Variants in ADAMTSL3 observed in about 807,000 individuals in gnomAD.
ADAMTSL3 encodes the protein ADAMTS-like protein 3.
ADAMTSL3 carries 128 observed loss-of-function variants against 201.7 expected under a neutral mutation model. The observed-to-expected ratio is 0.63, with a 90% CI of 0.55 to 0.73. The LOEUF (loss-of-function observed/expected upper bound fraction) is 0.73, where lower values mean the gene tolerates loss of function less well. Among genes scored for constraint, ADAMTSL3 ranks in the 30% least tolerant of loss-of-function variants. The pLI, the probability that ADAMTSL3 is intolerant of heterozygous loss-of-function variation, is 0.00. For missense variants in ADAMTSL3, 1,990 were observed against 2,119.6 expected (o/e 0.94, Z 1.20); for synonymous variants, 738 against 748.4 (o/e 0.99, Z 0.23).
intron 6 of ADAMTSL3, among the ~76,000 whole-genome samples, chr15:83,822,865 G>A (rs1362083455): frequency 1.3e-5 from 2 of 152,084 alleles, no homozygotes; most frequent in African/African-American, 4.8e-5. Flanking sequence ...GGAGGTTGTA[G>A]CGAGCCGAGA....
At chr15:83,826,731 G>A (rs557092006) in intron 6 of ADAMTSL3, among the ~76,000 whole-genome samples, 23 of 143,180 alleles carry the variant, frequency 1.6e-4, no homozygotes, top group African/African-American at 5.1e-4. Context: ...TCATTGTTCA[G>A]TTCCCACCTA....
chr15:83,663,583 A>G (rs958970242), intron 2 of ADAMTSL3, among the ~76,000 whole-genome samples: 5 of 152,266 alleles, frequency 3.3e-5, no homozygotes, highest in Middle Eastern at 3.4e-3. Context: ...CTTGATACAC[A>G]TTGTGGCCTT....
At position 83,913,162 on chromosome 15, in the gene ADAMTSL3, T is replaced by G; in HGVS notation, c.1771T>G (p.Cys591Gly). The change falls in exon 16 of 30, where the codon TGC (cysteine) becomes GGC (glycine). Residue 591 changes from cysteine to glycine, a missense_variant. Cys to Gly is a radical substitution (Grantham distance 159). Coordinates refer to ENST00000286744, the MANE Select transcript of ADAMTSL3 (RefSeq NM_207517.3). ...GPGVQVREVK[C>G]RVLLTFTQTE... ...GGGTGTGCAGGTCCGTGAGGTGAAGTGCCGTGTGCTCCTCACATTCACGCA... is the reference window on the plus strand; with the variant it reads ...GGGTGTGCAGGTCCGTGAGGTGAAGGGCCGTGTGCTCCTCACATTCACGCA... 6.2e-7 allele frequency: 1 copy of G among 1,614,118 alleles called. No individual in the cohort carries two copies. Among genetic ancestry groups the G allele is most frequent in the Admixed American group, 1.7e-5 (1 of 60,024 alleles).
rs567401406 is a variant in ADAMTSL3 at position 83,982,333 on chromosome 15, A to G, written c.2705A>G (p.Gln902Arg). ...GEQGPQILSV[Q>R]RVYIQTREEK... ...CAGGGTCCGCAGATCCTCAGTGTCC[A>G]GAGAGTCTACATTCAGACAAGGGAA... The change falls in exon 21 of 30, where the codon CAG (glutamine) becomes CGG (arginine). Residue 902 changes from glutamine to arginine, a missense_variant. Physicochemically the swap from Gln to Arg is conservative, Grantham distance 43. Coordinates refer to ENST00000286744, the MANE Select transcript of ADAMTSL3 (RefSeq NM_207517.3). The G allele has an allele frequency of 1.5e-5, 24 of 1,614,002 alleles. No individual in the cohort carries two copies. The highest frequency in any genetic ancestry group is 3.3e-4 in the Middle Eastern group (2 of 6,062).
chr15:83,804,610 A>G, intron 4 of ADAMTSL3, 40 bp from the exon 5 acceptor site: 1 of 1,253,568 alleles, frequency 8.0e-7, no homozygotes, highest in Non-Finnish European at 1.1e-6. Context: ...CTCTTCTATG[A>G]AATCATTATT....
intron 3 of ADAMTSL3, among the ~76,000 whole-genome samples, chr15:83,760,146 TC>T (rs1335698672): frequency 6.6e-6 from 1 of 152,192 alleles, no homozygotes; most frequent in Non-Finnish European, 1.5e-5. Flanking sequence ...ATTGATTTTT[TC>T]ATCTTTCTTC....
intron 8 of ADAMTSL3, among the ~76,000 whole-genome samples, chr15:83,865,647 A>C (rs1437807679): frequency 5.3e-5 from 8 of 152,232 alleles, no homozygotes; most frequent in Non-Finnish European, 1.2e-4. Flanking sequence ...TTTGACCTAA[A>C]ACCATAAAAA....
At chr15:83,942,423 C>T (rs1366880328) in intron 17 of ADAMTSL3, among the ~76,000 whole-genome samples, 173 bp from the exon 18 acceptor site, 2 of 152,148 alleles carry the variant, frequency 1.3e-5, no homozygotes, top group Non-Finnish European at 2.9e-5. Flanking sequence ...CCTTTAAATA[C>T]TATATTTCTG....
In ADAMTSL3 at chr15:83,935,075, C is replaced by A. The variant is rs62027788; in HGVS notation, c.2118-7521C>A. Among the ~76,000 whole-genome samples, 34 of 152,206 alleles carry A rather than the reference C, an allele frequency of 2.2e-4. No individual in the cohort carries two copies. The South Asian group carries it at 6.0e-3, about 27-fold the overall frequency. On this transcript the variant is annotated intron_variant, in intron 17 of 29. Coordinates refer to ENST00000286744, the MANE Select transcript of ADAMTSL3 (RefSeq NM_207517.3). ...AAGAGGGTAAAGAATGAGAAATTAC[C>A]TAATAGGTACAATGTACATTATTCT...
chr15:83,972,388 GT>G (rs1203231929), intron 20 of ADAMTSL3, among the ~76,000 whole-genome samples: 5 of 152,126 alleles, frequency 3.3e-5, no homozygotes, highest in Non-Finnish European at 5.9e-5. Context: ...ATCATGCTTC[GT>G]TCAAGTTGCC....
intron 4 of ADAMTSL3, among the ~76,000 whole-genome samples, chr15:83,795,059 G>A (rs1385707562): frequency 6.6e-6 from 1 of 151,984 alleles, no homozygotes; most frequent in African/African-American, 2.4e-5. Flanking sequence ...TCACCATGCT[G>A]GCCAGGCTGG....
chr15:83,853,946 AT>A lies in ADAMTSL3; in HGVS notation c.728-4819del, dbSNP rs1247831443. 8.0e-4 allele frequency among the ~76,000 whole-genome samples: 121 copies of A among 150,572 alleles called. 1 individual carries two copies. The highest frequency in any genetic ancestry group is 2.9e-3 in the African/African-American group (116 of 40,304). On this transcript the variant is annotated intron_variant, in intron 7 of 29. Transcript: ENST00000286744. Reference sequence around the variant, plus strand: ...TATCTATCTATCTATCTATCTATCTATCTATCTATCTAATTCCTCCATCCAA... The same window carrying A: ...TATCTATCTATCTATCTATCTATCTACTATCTATCTAATTCCTCCATCCAA...
chr15:83,934,825 G>T (rs2066431733), intron 17 of ADAMTSL3, among the ~76,000 whole-genome samples: 3 of 151,228 alleles, frequency 2.0e-5, no homozygotes, highest in African/African-American at 7.4e-5. Context: ...ATTGGATAAA[G>T]AAAATATGGT....
intron 15 of ADAMTSL3, among the ~76,000 whole-genome samples, chr15:83,900,801 A>G (rs578260929): frequency 1.4e-4 from 22 of 152,284 alleles, no homozygotes; most frequent in Admixed American, 3.3e-4. Flanking sequence ...AAAAAAAAAT[A>G]CATCTATGCC....
At chr15:83,996,816 G>T (rs1015587291) in intron 23 of ADAMTSL3, among the ~76,000 whole-genome samples, 25 of 124,036 alleles carry the variant, frequency 2.0e-4, no homozygotes, top group African/African-American at 6.7e-4. Flanking sequence ...AAGAGCAAAA[G>T]ATATGAACAG....
intron 10 of ADAMTSL3, among the ~76,000 whole-genome samples, chr15:83,885,671 A>T (rs2065374048): frequency 6.6e-6 from 1 of 152,078 alleles, no homozygotes; most frequent in Non-Finnish European, 1.5e-5. Flanking sequence ...GCTTATTAAA[A>T]AGAGAAAGGG....
rs554953336 is a variant in ADAMTSL3, at chr15:83,755,126, T to G, written c.190-18397T>G. ...TCCTGTTGTAAAAATTTTGAATCAT[T>G]TCCTAGCTGGTTGGATTTCATCATC... On this transcript the variant is annotated intron_variant, in intron 3 of 29. Transcript: ENST00000286744. Among the ~76,000 whole-genome samples the G allele has an allele frequency of 2.2e-4, 34 of 152,336 alleles. No homozygotes were observed. The South Asian group carries it at 6.0e-3, about 27-fold the overall frequency.
intron 2 of ADAMTSL3, among the ~76,000 whole-genome samples, chr15:83,694,530 C>G (rs944168275): frequency 1.3e-5 from 2 of 152,230 alleles, no homozygotes; most frequent in South Asian, 4.2e-4. Context: ...GAGGCTGTTT[C>G]CAATAGGTCA....
At chr15:83,858,287 C>T (rs2064783404) in intron 7 of ADAMTSL3, among the ~76,000 whole-genome samples, 1 of 152,262 alleles carries the variant, frequency 6.6e-6, no homozygotes, top group Middle Eastern at 3.4e-3. Context: ...TTACTTTAAA[C>T]GTTTCTTTAA....
Sources: gnomAD v4.1 joint callset for allele counts (sites outside exome capture counted in the v4.1 genomes callset) on GRCh38, gnomAD v4.1.1 for gene constraint, MANE v1.5 for transcripts, NCBI Gene and HGNC (gene_info 2026-07-23, HGNC 2026-07-21) for gene names.